Variants in CCDC60 observed in about 807,000 individuals in gnomAD.
CCDC60 encodes the protein coiled-coil domain-containing protein 60.
A neutral mutation model predicts 63.5 loss-of-function variants in CCDC60; 54 were observed. The observed-to-expected ratio is 0.85, with a 90% CI of 0.68 to 1.07. CCDC60 has a LOEUF of 1.07. CCDC60 is among the 50% of genes least tolerant of loss of function. The probability of loss-of-function intolerance (pLI) is 0.00; values close to 1 mark genes in which losing one functional copy is unlikely to be tolerated. For missense variants in CCDC60, 651 were observed against 684.3 expected (o/e 0.95, Z 0.54); for synonymous variants, 206 against 238.8 (o/e 0.86, Z 1.27).
chr12:119,396,135 A>C (rs1256306329), intron 1 of CCDC60, among the ~76,000 whole-genome samples: 1 of 151,938 alleles, frequency 6.6e-6, no homozygotes, highest in Non-Finnish European at 1.5e-5. Context: ...ACTGAGTCTC[A>C]CCATGTTGGC....
intron 5 of CCDC60, among the ~76,000 whole-genome samples, chr12:119,491,313 TTTTG>T (rs879317261): frequency 2.2e-4 from 34 of 152,218 alleles, no homozygotes; most frequent in East Asian, 7.7e-4. Flanking sequence ...ACACATCTCT[TTTTG>T]TTTGTTTGTT....
At chr12:119,387,493 CAA>C (rs1463539851) in intron 1 of CCDC60, among the ~76,000 whole-genome samples, 1 of 152,282 alleles carries the variant, frequency 6.6e-6, no homozygotes. Context: ...TAAAAAAGCA[CAA>C]GTTTCTCTTA....
chr12:119,419,869 CTTTTT>C (rs1206831493), intron 1 of CCDC60, among the ~76,000 whole-genome samples: 10,247 of 106,182 alleles, frequency 0.097, 276 homozygotes, highest in Middle Eastern at 0.15. Flanking sequence ...TTAAATAATT[CTTTTT>C]TTTTTTTTTT....
chr12:119,350,725 G>A (rs544254976), intron 1 of CCDC60, among the ~76,000 whole-genome samples: 35 of 152,156 alleles, frequency 2.3e-4, no homozygotes, highest in African/African-American at 7.7e-4. Flanking sequence ...TCTGGTTCCC[G>A]CTCTCAACAT....
At chr12:119,340,602 A>T (rs1324711536) in intron 1 of CCDC60, among the ~76,000 whole-genome samples, 1 of 151,936 alleles carries the variant, frequency 6.6e-6, no homozygotes, top group East Asian at 1.9e-4. Flanking sequence ...TCCAGCATAT[A>T]CCCAGCTGGG....
intron 4 of CCDC60, among the ~76,000 whole-genome samples, chr12:119,484,360 G>A (rs1416260413): frequency 2.6e-5 from 4 of 152,280 alleles, no homozygotes; most frequent in Middle Eastern, 3.4e-3. Flanking sequence ...GTATTACTTC[G>A]TTGTTCTGTT....
At chr12:119,403,609 C>T (rs994136934) in intron 1 of CCDC60, among the ~76,000 whole-genome samples, 1 of 152,110 alleles carries the variant, frequency 6.6e-6, no homozygotes, top group Non-Finnish European at 1.5e-5. Context: ...CCATCTTCCC[C>T]CTGTGCCCTC....
At chr12:119,468,729 G>A (rs1157040410) in intron 2 of CCDC60, among the ~76,000 whole-genome samples, 1 of 151,910 alleles carries the variant, frequency 6.6e-6, no homozygotes, top group African/African-American at 2.4e-5. Context: ...TAAAAACACT[G>A]TCAATTAAAA....
intron 8 of CCDC60, among the ~76,000 whole-genome samples, chr12:119,519,464 TATA>T (rs1200913048): frequency 3.9e-5 from 5 of 128,186 alleles, no homozygotes; most frequent in Admixed American, 7.5e-5. Flanking sequence ...TATATATATA[TATA>T]TTTTTTTTTT....
rs71451846 is a variant in CCDC60 at position 119,532,396 on chromosome 12, C to CTATTATTATTATTATTAT, written c.1551+1352_1551+1369dup. The stretch of plus-strand genomic sequence containing the variant: ...TTTTCCTAGTGAGAACATCACAGAA[C>CTATTATTATTATTATTAT]TATTATTATTATTATTATTATTATT... On this transcript the variant is annotated intron_variant, in intron 13 of 13. Transcript: ENST00000327554. Among the ~76,000 whole-genome samples the CTATTATTATTATTATTAT allele has an allele frequency of 1.8e-3, 257 of 142,318 alleles. 1 individual carries two copies. Among genetic ancestry groups the CTATTATTATTATTATTAT allele is most frequent in the Middle Eastern group, 3.6e-3 (1 of 276 alleles). 93.4% of individuals were successfully genotyped at this position (142,318 alleles called of 152,430 possible).
intron 1 of CCDC60, among the ~76,000 whole-genome samples, chr12:119,399,729 A>G (rs1956353591): frequency 6.6e-6 from 1 of 152,174 alleles, no homozygotes; most frequent in Non-Finnish European, 1.5e-5. Context: ...GGCTAACCTC[A>G]GCCCTCCCAC....
At chr12:119,491,874 T>A (rs148463484) in intron 5 of CCDC60, among the ~76,000 whole-genome samples, 1 of 152,092 alleles carries the variant, frequency 6.6e-6, no homozygotes, top group East Asian at 1.9e-4. Context: ...AAGAACATCA[T>A]GTGGAATTTG....
At chr12:119,400,047 CTTTTT>C (rs550702095) in intron 1 of CCDC60, among the ~76,000 whole-genome samples, 1 of 131,792 alleles carries the variant, frequency 7.6e-6, no homozygotes, top group South Asian at 2.4e-4. Context: ...GGTTGGTTTC[CTTTTT>C]TTTTTTTTTT....
chr12:119,383,265 T>C (rs181536541), intron 1 of CCDC60, among the ~76,000 whole-genome samples: 98 of 152,266 alleles, frequency 6.4e-4, no homozygotes, highest in Non-Finnish European at 2.1e-4. Flanking sequence ...TAAAAATATA[T>C]TATCCAGATC....
chr12:119,447,423 G>A (rs1046708783), intron 2 of CCDC60, among the ~76,000 whole-genome samples: 5 of 152,128 alleles, frequency 3.3e-5, no homozygotes, highest in Non-Finnish European at 5.9e-5. Flanking sequence ...AACACCGATC[G>A]AACCATCACA....
At chr12:119,534,573 A>G (rs969272251) in intron 13 of CCDC60, among the ~76,000 whole-genome samples, 15 of 152,274 alleles carry the variant, frequency 9.9e-5, no homozygotes, top group African/African-American at 3.6e-4. Context: ...AGCTCTCATT[A>G]TTTTGAGATA....
intron 5 of CCDC60, among the ~76,000 whole-genome samples, chr12:119,494,337 C>G (rs560273927): frequency 6.6e-6 from 1 of 152,326 alleles, no homozygotes; most frequent in East Asian, 1.9e-4. Flanking sequence ...TACCTACTAA[C>G]CTTCCAGCAG....
intron 8 of CCDC60, 30 bp from the exon 9 acceptor site, chr12:119,520,091 C>T (rs755414516): frequency 6.2e-7 from 1 of 1,601,012 alleles, no homozygotes. Flanking sequence ...GAATTCAGCG[C>T]CTTGTTAAAG....
intron 7 of CCDC60, among the ~76,000 whole-genome samples, chr12:119,512,414 C>T (rs1306582925): frequency 6.6e-5 from 10 of 152,156 alleles, no homozygotes; most frequent in Admixed American, 6.5e-4. Context: ...TAAAATGTGG[C>T]CCCTGACATC....
Sources: gnomAD v4.1 joint callset for allele counts (sites outside exome capture counted in the v4.1 genomes callset) on GRCh38, gnomAD v4.1.1 for gene constraint, MANE v1.5 for transcripts, NCBI Gene and HGNC (gene_info 2026-07-23, HGNC 2026-07-21) for gene names.